The following RNF13 variants were observed in gnomAD, a reference collection of about 807,000 sequenced individuals.
RNF13 encodes the protein E3 ubiquitin-protein ligase RNF13.
Under a neutral mutation model 37.7 loss-of-function variants are expected in RNF13, and 19 were observed. The observed-to-expected ratio is 0.50, with a 90% CI of 0.35 to 0.74. RNF13 has a LOEUF of 0.74. Ranked by LOEUF, RNF13 falls within the 30% of genes least tolerant of loss-of-function variation. The pLI is 0.01. For missense variants in RNF13, 375 were observed against 453.0 expected, an observed-to-expected ratio of 0.83 and a Z score of 1.56; for synonymous variants, 144 against 157.8, an observed-to-expected ratio of 0.91 and a Z score of 0.65.
intron 8 of RNF13, among the ~76,000 whole-genome samples, chr3:149,951,961 T>C (rs1392205864): frequency 2.0e-5 from 3 of 152,188 alleles, no homozygotes; most frequent in Admixed American, 6.5e-5. Context: ...TTTCAGTCAC[T>C]ACCATTTCAT....
intron 8 of RNF13, among the ~76,000 whole-genome samples, chr3:149,950,834 ACTT>A (rs1237233744): frequency 8.5e-5 from 13 of 152,144 alleles, no homozygotes; most frequent in Admixed American, 7.9e-4. Flanking sequence ...AGTGCCCGTC[ACTT>A]CTTTTCCCAG....
At chr3:149,922,081 C>G (rs1718188973) in intron 8 of RNF13, among the ~76,000 whole-genome samples, 4 of 152,240 alleles carry the variant, frequency 2.6e-5, no homozygotes, top group Admixed American at 2.6e-4. Context: ...TCAAGAGATT[C>G]TCCTGCCTCA....
intron 8 of RNF13, among the ~76,000 whole-genome samples, chr3:149,922,941 C>G (rs1378592567): frequency 6.6e-6 from 1 of 151,948 alleles, no homozygotes; most frequent in African/African-American, 2.4e-5. Context: ...TTTTCATATA[C>G]CAGTAAAAAT....
At chr3:149,865,131 T>C (rs1362498905) in intron 3 of RNF13, among the ~76,000 whole-genome samples, 2 of 151,748 alleles carry the variant, frequency 1.3e-5, no homozygotes, top group Non-Finnish European at 1.5e-5. Flanking sequence ...GAAGAAAAAT[T>C]AGGCATTTGG....
intron 3 of RNF13, among the ~76,000 whole-genome samples, chr3:149,857,368 A>G (rs536485826): frequency 6.6e-6 from 1 of 152,340 alleles, no homozygotes; most frequent in East Asian, 1.9e-4. Context: ...GCAAAAATGT[A>G]AATCTTTTCA....
chr3:149,886,775 T>G (rs1425292577), intron 4 of RNF13, among the ~76,000 whole-genome samples: 1 of 152,216 alleles, frequency 6.6e-6, no homozygotes, highest in Non-Finnish European at 1.5e-5. Context: ...CTTCTATTTC[T>G]GTTCGTTGAG....
intron 3 of RNF13, among the ~76,000 whole-genome samples, chr3:149,859,311 T>A (rs1723983394): frequency 1.3e-5 from 2 of 152,228 alleles, no homozygotes; most frequent in South Asian, 4.1e-4. Flanking sequence ...CATAGTTAGA[T>A]GGTATAAAAA....
At chr3:149,862,811 T>C (rs1724406136) in intron 3 of RNF13, among the ~76,000 whole-genome samples, 1 of 152,196 alleles carries the variant, frequency 6.6e-6, no homozygotes, top group African/African-American at 2.4e-5. Context: ...TATCCACAAC[T>C]GGCAAGGATG....
At chr3:149,820,169 T>C (rs528236456) in intron 1 of RNF13, among the ~76,000 whole-genome samples, 60 of 152,122 alleles carry the variant, frequency 3.9e-4, no homozygotes, top group Non-Finnish European at 6.6e-4. Flanking sequence ...TACGTTGACC[T>C]TGAATTGATT....
At chr3:149,941,889 A>ATATATATTTATTTATT (rs1553771501) in intron 8 of RNF13, among the ~76,000 whole-genome samples, 1 of 144,292 alleles carries the variant, frequency 6.9e-6, no homozygotes, top group South Asian at 2.2e-4. Context: ...GTCCAGCTTA[A>ATATATATTTATTTATT]TATTTATTTA....
chr3:149,926,584 T>A (rs1718679991), intron 8 of RNF13, among the ~76,000 whole-genome samples: 1 of 152,202 alleles, frequency 6.6e-6, no homozygotes, highest in South Asian at 2.1e-4. Flanking sequence ...TCTGAAAGCT[T>A]TATATTTTTG....
intron 7 of RNF13, among the ~76,000 whole-genome samples, chr3:149,915,750 G>A (rs1717440323): frequency 6.6e-6 from 1 of 152,152 alleles, no homozygotes; most frequent in East Asian, 1.9e-4. Context: ...GTCACAAAAG[G>A]ACAAATACTG....
intron 6 of RNF13, among the ~76,000 whole-genome samples, chr3:149,906,501 C>A (rs1716414587): frequency 6.6e-6 from 1 of 152,064 alleles, no homozygotes. Context: ...ATTTAATAAT[C>A]AACTGGTCTA....
intron 4 of RNF13, among the ~76,000 whole-genome samples, chr3:149,872,424 T>C (rs1712176211): frequency 6.6e-6 from 1 of 152,236 alleles, no homozygotes; most frequent in Non-Finnish European, 1.5e-5. Flanking sequence ...TTTATGCTTT[T>C]ACCCTTCCAG....
chr3:149,818,739 C>T (rs1719721028), intron 1 of RNF13, among the ~76,000 whole-genome samples: 1 of 152,002 alleles, frequency 6.6e-6, no homozygotes, highest in Admixed American at 6.6e-5. Context: ...TGGTAAAACC[C>T]CATTTGTACT....
intron 7 of RNF13, among the ~76,000 whole-genome samples, chr3:149,917,904 A>AAAGTACAC (rs1010466857): frequency 2.6e-5 from 4 of 152,214 alleles, no homozygotes; most frequent in Admixed American, 1.3e-4. Flanking sequence ...TAACTCATTT[A>AAAGTACAC]AAGTACACAA....
chr3:149,865,245 T>C (rs1724677821), intron 3 of RNF13, among the ~76,000 whole-genome samples: 1 of 150,940 alleles, frequency 6.6e-6, no homozygotes. Context: ...GTGGTACTTA[T>C]CAATGGTTAC....
chr3:149,822,865 A>G (rs1441361807), intron 1 of RNF13, among the ~76,000 whole-genome samples: 1 of 152,176 alleles, frequency 6.6e-6, no homozygotes, highest in Non-Finnish European at 1.5e-5. Context: ...ATCCATGAAT[A>G]ATAAAGATAA....
intron 7 of RNF13, among the ~76,000 whole-genome samples, chr3:149,913,331 T>C (rs955068821): frequency 6.6e-6 from 1 of 152,176 alleles, no homozygotes; most frequent in African/African-American, 2.4e-5. Context: ...TATTAGAGCA[T>C]TGCTTTTTAT....
Sources: gnomAD v4.1 joint callset for allele counts (sites outside exome capture counted in the v4.1 genomes callset) on GRCh38, gnomAD v4.1.1 for gene constraint, MANE v1.5 for transcripts, NCBI Gene and HGNC (gene_info 2026-07-23, HGNC 2026-07-21) for gene names.